ANKRD36B: variants seen among roughly 807,000 people sequenced by gnomAD.
ANKRD36B encodes the protein ankyrin repeat domain-containing protein 36B.
In ANKRD36B, 37 loss-of-function variants were observed where a neutral mutation model predicts 135.7. The observed-to-expected ratio is 0.27, with a 90% confidence interval of 0.21 to 0.36. The LOEUF (loss-of-function observed/expected upper bound fraction) is 0.36. ANKRD36B is among the 10% of genes least tolerant of loss of function. The pLI, the probability that ANKRD36B is intolerant of heterozygous loss-of-function variation, is 1.00. For missense variants in ANKRD36B, 549 were observed against 1,037.1 expected, an observed-to-expected ratio of 0.53 and a Z score of 6.46; for synonymous variants, 179 against 348.1, an observed-to-expected ratio of 0.51 and a Z score of 5.41.
chr2:97,571,364 T>C (rs1172577474), intron 6 of ANKRD36B, among the ~76,000 whole-genome samples: 1 of 151,952 alleles, frequency 6.6e-6, no homozygotes, highest in Non-Finnish European at 1.5e-5. Flanking sequence ...AATGCATTAG[T>C]AGGCTGGGGG....
chr2:97,553,339 T>C lies in ANKRD36B; in HGVS notation c.1200+4A>G. Reference sequence around the variant, plus strand: ...GTTCACAACATAAATGAGAGTTCAATTACCTTCAAGGCTTGTTGTTTCTGA... The same window carrying C: ...GTTCACAACATAAATGAGAGTTCAACTACCTTCAAGGCTTGTTGTTTCTGA... On this transcript the variant is annotated splice_donor_region_variant and intron_variant, in intron 15 of 43. Coordinates refer to ENST00000359901, the MANE Select transcript of ANKRD36B (RefSeq NM_001393939.1). The C allele has an allele frequency of 6.2e-7, 1 of 1,609,742 alleles. No individual in the cohort carries two copies. Among genetic ancestry groups the C allele is most frequent in the Non-Finnish European group, 8.5e-7 (1 of 1,178,612 alleles).
At chr2:97,527,754 C>A (rs1448825100) in intron 35 of ANKRD36B, among the ~76,000 whole-genome samples, 1 of 95,496 alleles carries the variant, frequency 1.0e-5, no homozygotes, top group Non-Finnish European at 2.8e-5. Context: ...GGGTTGCAAT[C>A]CTATCTCTGA....
At chr2:97,562,444 T>G (rs2081113748) in intron 6 of ANKRD36B, among the ~76,000 whole-genome samples, 1 of 151,932 alleles carries the variant, frequency 6.6e-6, no homozygotes, top group African/African-American at 2.4e-5. Context: ...AAAAATCTGA[T>G]GTGAACGAAG....
At chr2:97,581,638 G>A (rs1387271684) in intron 3 of ANKRD36B, among the ~76,000 whole-genome samples, 1 of 151,818 alleles carries the variant, frequency 6.6e-6, no homozygotes, top group Non-Finnish European at 1.5e-5. Flanking sequence ...AAATCTATTT[G>A]TATTCTAGTT....
At chr2:97,556,268 C>G (rs147753607) in intron 12 of ANKRD36B, among the ~76,000 whole-genome samples, 8,384 of 151,852 alleles carry the variant, frequency 0.055, 798 homozygotes, top group African/African-American at 0.19. Flanking sequence ...ATGTCTGATA[C>G]TAATAAACAG....
chr2:97,493,949 G>T (rs2077273619), intron 43 of ANKRD36B, among the ~76,000 whole-genome samples: 1 of 102,686 alleles, frequency 9.7e-6, no homozygotes, highest in African/African-American at 2.7e-5. Context: ...CTTGAAAGTT[G>T]TATTCTATGT....
At chr2:97,565,226 G>A (rs866985393) in intron 6 of ANKRD36B, among the ~76,000 whole-genome samples, 3 of 152,234 alleles carry the variant, frequency 2.0e-5, no homozygotes, top group Middle Eastern at 3.4e-3. Flanking sequence ...CTGAGACTAT[G>A]AGGAAGTTGC....
intron 6 of ANKRD36B, among the ~76,000 whole-genome samples, chr2:97,567,892 T>C (rs1249942682): frequency 6.6e-6 from 1 of 152,184 alleles, no homozygotes; most frequent in African/African-American, 2.4e-5. Context: ...CTTTCTGATA[T>C]ATAGTCAAAT....
At chr2:97,569,832 TATAA>T (rs2081715528) in intron 6 of ANKRD36B, among the ~76,000 whole-genome samples, 1 of 152,092 alleles carries the variant, frequency 6.6e-6, no homozygotes, top group East Asian at 1.9e-4. Flanking sequence ...TGAAACACAA[TATAA>T]ATATTCTCTC....
chr2:97,567,780 T>C (rs1184906439), intron 6 of ANKRD36B, among the ~76,000 whole-genome samples: 3 of 152,180 alleles, frequency 2.0e-5, no homozygotes, highest in African/African-American at 4.8e-5. Context: ...ACATTATATA[T>C]GATATCTGCT....
At position 97,527,055 on chromosome 2, in the gene ANKRD36B, G is replaced by A. The variant is rs1316959042; in HGVS notation, c.2266-3588C>T. Among the ~76,000 whole-genome samples the A allele has an allele frequency of 6.3e-5, 6 of 94,582 alleles. 2 individuals carry two copies. Among genetic ancestry groups the A allele is most frequent in the Non-Finnish European group, 1.7e-4 (6 of 35,804 alleles). 62.0% of individuals were successfully genotyped at this position (94,582 alleles called of 152,430 possible). On this transcript the variant is annotated intron_variant, in intron 35 of 43. Transcript: ENST00000359901. ...TTCAGATTCAGGAAATACAGACAAC[G>A]CCACAAAGATACCCCTCGAGAAGAG...
chr2:97,535,052 A>T (rs2104484107), intron 34 of ANKRD36B, among the ~76,000 whole-genome samples: 1 of 96,022 alleles, frequency 1.0e-5, no homozygotes, highest in East Asian at 2.3e-4. Context: ...TATGTCAAGT[A>T]AAATAATCCA....
At chr2:97,580,674 G>C (rs2082575480) in intron 3 of ANKRD36B, 106 bp from the exon 4 acceptor site, 1 of 1,032,336 alleles carries the variant, frequency 9.7e-7, no homozygotes. Context: ...CAATTGAAAG[G>C]TCGTAAGAGG....
rs1369198895 is a variant in ANKRD36B at position 97,547,627 on chromosome 2, G to A, written c.1507-19C>T. The A allele has an allele frequency of 2.6e-6, 4 of 1,562,694 alleles. No homozygotes were observed. Among genetic ancestry groups the A allele is most frequent in the South Asian group, 1.1e-5 (1 of 87,152 alleles). On this transcript the variant is annotated intron_variant, in intron 21 of 43. Transcript: ENST00000359901. The stretch of plus-strand genomic sequence containing the variant: ...TTGTAGCCTGAATGGAATTTGAAAT[G>A]AAATAATAAATTAATAAAGTATGTT...
At position 97,527,631 on chromosome 2, in the gene ANKRD36B, C is replaced by T. The variant is rs1293026126; in HGVS notation, c.2266-4164G>A. 2.7e-4 allele frequency among the ~76,000 whole-genome samples: 26 copies of T among 95,670 alleles called. 7 individuals are homozygous for T. Among genetic ancestry groups the T allele is most frequent in the East Asian group, 6.9e-4 (3 of 4,324 alleles). The allele number at this position is 95,670 out of a possible 152,430, so 62.8% of individuals were successfully genotyped here. A position where few individuals can be genotyped will look rare whatever the true frequency, so the allele number is the denominator to read the frequency against. ...TGGCAAATTGGATAAAGAGTCAAGA[C>T]CCATCAGTGTGCTGTATTCAGGAAA... On this transcript the variant is annotated intron_variant, in intron 35 of 43. Coordinates refer to ENST00000359901, the MANE Select transcript of ANKRD36B (RefSeq NM_001393939.1).
chr2:97,560,345 T>G (rs1389690446), intron 8 of ANKRD36B, among the ~76,000 whole-genome samples: 2 of 151,896 alleles, frequency 1.3e-5, no homozygotes, highest in Non-Finnish European at 2.9e-5. Context: ...TTCATCTCAT[T>G]CTCTTTCCCC....
At chr2:97,554,922 T>A in intron 14 of ANKRD36B, 138 bp downstream of exon 14, 1 of 1,155,376 alleles carries the variant, frequency 8.7e-7, no homozygotes, top group Non-Finnish European at 1.3e-6. Context: ...ACCCGAGAAC[T>A]TATTACAGAT....
At chr2:97,547,771 A>T (rs746494749) in intron 20 of ANKRD36B, 40 bp from the exon 21 acceptor site, 31 of 1,542,554 alleles carry the variant, frequency 2.0e-5, no homozygotes, top group East Asian at 1.9e-4. Flanking sequence ...CATATGTAAA[A>T]ATGACAAAAT....
intron 10 of ANKRD36B, among the ~76,000 whole-genome samples, chr2:97,558,496 T>A (rs1471129472): frequency 6.6e-6 from 1 of 151,906 alleles, no homozygotes; most frequent in Admixed American, 6.6e-5. Flanking sequence ...CTCTTTCTCC[T>A]TCCTCCCTTG....
Sources: gnomAD v4.1 joint callset for allele counts (sites outside exome capture counted in the v4.1 genomes callset) on GRCh38, gnomAD v4.1.1 for gene constraint, MANE v1.5 for transcripts, NCBI Gene and HGNC (gene_info 2026-07-23, HGNC 2026-07-21) for gene names.